The following PCDH15 variants were observed in gnomAD, a reference collection of about 807,000 sequenced individuals.
PCDH15 encodes protocadherin-15.
Under a neutral mutation model 178.5 loss-of-function variants are expected in PCDH15, and 129 were observed. The observed-to-expected ratio is 0.72, with a 90% CI of 0.63 to 0.84. PCDH15 has a LOEUF of 0.84. Ranked by LOEUF, PCDH15 falls within the 40% of genes least tolerant of loss-of-function variation. PCDH15 has a pLI of 0.00. For synonymous variants in PCDH15, 800 were observed against 732.0 expected (o/e 1.09, Z -1.50); for missense variants, 2,230 against 2,099.9 (o/e 1.06, Z -1.21).
chr10:54,531,204 C>T (rs2083885109), intron 2 of PCDH15, among the ~76,000 whole-genome samples: 1 of 152,104 alleles, frequency 6.6e-6, no homozygotes, highest in Admixed American at 6.6e-5. Context: ...CCTTGACTGT[C>T]CTGGTTAAAT....
At chr10:54,997,368 A>G (rs934136470) in intron 2 of PCDH15, among the ~76,000 whole-genome samples, 1 of 152,190 alleles carries the variant, frequency 6.6e-6, no homozygotes, top group Non-Finnish European at 1.5e-5. Context: ...AAGAGTACTA[A>G]TAAGTCCAGG....
intron 2 of PCDH15, among the ~76,000 whole-genome samples, chr10:54,530,714 T>C (rs967349639): frequency 4.6e-5 from 7 of 152,166 alleles, no homozygotes; most frequent in Non-Finnish European, 8.8e-5. Flanking sequence ...CTACGATTTA[T>C]TATTTTAGTA....
chr10:55,375,805 T>G (rs1837383610), intron 2 of PCDH15, among the ~76,000 whole-genome samples: 1 of 152,010 alleles, frequency 6.6e-6, no homozygotes, highest in Admixed American at 6.6e-5. Flanking sequence ...TAGCATTTGC[T>G]CTTGGGAATT....
intron 2 of PCDH15, among the ~76,000 whole-genome samples, chr10:55,408,284 C>G (rs1482324156): frequency 6.6e-6 from 1 of 151,516 alleles, no homozygotes; most frequent in South Asian, 2.1e-4. Context: ...CTCCCGGGTT[C>G]AAGCGATTCT....
intron 15 of PCDH15, among the ~76,000 whole-genome samples, chr10:54,128,380 G>A (rs950462616): frequency 3.3e-5 from 5 of 152,268 alleles, no homozygotes; most frequent in Non-Finnish European, 5.9e-5. Flanking sequence ...TACTGGGCAA[G>A]ATCTTCAAGG....
chr10:55,087,638 T>C (rs916803127), intron 2 of PCDH15, among the ~76,000 whole-genome samples: 2 of 152,094 alleles, frequency 1.3e-5, no homozygotes, highest in African/African-American at 4.8e-5. Context: ...TTACAGACTG[T>C]TATGGTAAAC....
At chr10:55,587,953 G>A (rs1350944090) in intron 2 of PCDH15, among the ~76,000 whole-genome samples, 6 of 152,172 alleles carry the variant, frequency 3.9e-5, no homozygotes, top group African/African-American at 1.4e-4. Context: ...CAGAGCAAAT[G>A]AACCGCTTTG....
chr10:54,164,192 C>A (rs1025937262), intron 13 of PCDH15, among the ~76,000 whole-genome samples: 1 of 152,124 alleles, frequency 6.6e-6, no homozygotes, highest in African/African-American at 2.4e-5. Flanking sequence ...AATGACTACT[C>A]TGGTAATGTA....
chr10:53,822,870 CT>C, intron 32 of PCDH15: 1 of 1,614,080 alleles, frequency 6.2e-7, no homozygotes, highest in African/African-American at 1.3e-5. Flanking sequence ...GCTGCTACCT[CT>C]TTTGTTTGTA....
At chr10:54,853,452 T>TATATATAC (rs1953679582) in intron 3 of PCDH15, among the ~76,000 whole-genome samples, 2 of 127,056 alleles carry the variant, frequency 1.6e-5, no homozygotes, top group South Asian at 5.1e-4. Context: ...TATATATATA[T>TATATATAC]ACACATACAT....
chr10:54,500,909 TA>T (rs2080616574), intron 3 of PCDH15, among the ~76,000 whole-genome samples: 1 of 151,930 alleles, frequency 6.6e-6, no homozygotes, highest in South Asian at 2.1e-4. Flanking sequence ...TATGCGGCCA[TA>T]AAAAAGAATG....
At chr10:55,083,196 A>G (rs756094900) in intron 2 of PCDH15, among the ~76,000 whole-genome samples, 22 of 151,836 alleles carry the variant, frequency 1.4e-4, no homozygotes, top group Non-Finnish European at 2.1e-4. Context: ...TTAAAAAGAT[A>G]ATTTATCATG....
At chr10:54,152,954 G>T in intron 14 of PCDH15, 146 bp downstream of exon 14, 7 of 950,772 alleles carry the variant, frequency 7.4e-6, no homozygotes, top group Non-Finnish European at 1.1e-5. Context: ...GAATATGCAT[G>T]CAGTTCCTGA....
chr10:54,850,722 G>A (rs1028568080), intron 3 of PCDH15, among the ~76,000 whole-genome samples: 3 of 149,222 alleles, frequency 2.0e-5, no homozygotes, highest in African/African-American at 5.0e-5. Flanking sequence ...CCAAAGTTTT[G>A]GTTATTATTG....
At chr10:54,547,947 T>C (rs971627300) in intron 2 of PCDH15, among the ~76,000 whole-genome samples, 22 of 151,794 alleles carry the variant, frequency 1.4e-4, no homozygotes, top group Admixed American at 6.6e-4. Flanking sequence ...AGATTTGATA[T>C]GATATTAAAC....
At chr10:55,086,544 T>A (rs1842173362) in intron 2 of PCDH15, among the ~76,000 whole-genome samples, 1 of 152,030 alleles carries the variant, frequency 6.6e-6, no homozygotes, top group Non-Finnish European at 1.5e-5. Context: ...TGAGCACACA[T>A]CTACCAGAGC....
At chr10:53,912,154 A>G (rs2083147835) in intron 25 of PCDH15, among the ~76,000 whole-genome samples, 1 of 152,228 alleles carries the variant, frequency 6.6e-6, no homozygotes. Flanking sequence ...ACACAAATCA[A>G]TAAACGTAAT....
intron 15 of PCDH15, among the ~76,000 whole-genome samples, chr10:54,115,669 T>C (rs2095100825): frequency 6.6e-6 from 1 of 152,238 alleles, no homozygotes; most frequent in Non-Finnish European, 1.5e-5. Flanking sequence ...TTACTTGGAC[T>C]GCACTGAAGT....
At chr10:55,039,422 T>G (rs1304071054) in intron 2 of PCDH15, among the ~76,000 whole-genome samples, 1 of 152,150 alleles carries the variant, frequency 6.6e-6, no homozygotes, top group African/African-American at 2.4e-5. Flanking sequence ...ATGCAAATTC[T>G]AAGAATATTC....
Sources: gnomAD v4.1 joint callset for allele counts (sites outside exome capture counted in the v4.1 genomes callset) on GRCh38, gnomAD v4.1.1 for gene constraint, MANE v1.5 for transcripts, NCBI Gene and HGNC (gene_info 2026-07-23, HGNC 2026-07-21) for gene names.